C3orf49: variants seen among roughly 807,000 people sequenced by gnomAD.
C3orf49 encodes the protein chromosome 3 open reading frame 49.
Under a neutral mutation model 13.3 loss-of-function variants are expected in C3orf49, and 27 were observed. That is an observed-to-expected ratio of 2.02 (90% CI 1.49 to 2.79). C3orf49 has a LOEUF of 2.79. Among genes scored for constraint, C3orf49 ranks in the 30% most tolerant of loss-of-function variants. The probability of loss-of-function intolerance (pLI) is 0.00; values close to 1 mark genes in which losing one functional copy is unlikely to be tolerated. For synonymous variants in C3orf49, 87 were observed against 47.6 expected (o/e 1.83, Z -3.40); for missense variants, 242 against 134.2 (o/e 1.80, Z -3.97).
chr3:63,840,600 A>AAAAAAAT (rs1333655556), intron 5 of C3orf49, among the ~76,000 whole-genome samples: 1 of 152,164 alleles, frequency 6.6e-6, no homozygotes, highest in African/African-American at 2.4e-5. Context: ...GTCTCCAAAG[A>AAAAAAAT]AAAAAATAAA....
chr3:63,846,187 C>A (rs1701890085), intron 6 of C3orf49: 1 of 451,458 alleles, frequency 2.2e-6, no homozygotes, highest in South Asian at 1.6e-5. Context: ...ACTAAATATT[C>A]AGTCTGCTTT....
At chr3:63,846,409 A>G (rs1236498493) in intron 6 of C3orf49, among the ~76,000 whole-genome samples, 9 of 152,072 alleles carry the variant, frequency 5.9e-5, no homozygotes, top group African/African-American at 2.2e-4. Flanking sequence ...TATTATTTAA[A>G]AATTTTTATT....
At chr3:63,815,359 AC>A (rs1239366975), upstream of C3orf49, among the ~76,000 whole-genome samples, 1 of 151,898 alleles carries the variant, frequency 6.6e-6, no homozygotes, top group African/African-American at 2.4e-5. Flanking sequence ...GGTACTCCTC[AC>A]CCCCATCTGT....
chr3:63,800,395 C>T, the C3orf49 span, among the ~76,000 whole-genome samples: 1 of 152,026 alleles, frequency 6.6e-6, no homozygotes, highest in Non-Finnish European at 1.5e-5. Flanking sequence ...CTCATCCAAT[C>T]GTGAATTTCA....
chr3:63,789,767 C>T, the C3orf49 span, among the ~76,000 whole-genome samples: 9 of 144,284 alleles, frequency 6.2e-5, no homozygotes, highest in South Asian at 4.5e-4. Flanking sequence ...GCCAAGATGG[C>T]GCCACCGCAC....
chr3:63,781,744 AATG>A, the C3orf49 span, among the ~76,000 whole-genome samples: 1 of 152,134 alleles, frequency 6.6e-6, no homozygotes, highest in South Asian at 2.1e-4. Context: ...TGGAGATTGC[AATG>A]ATAAGAGTGG....
intron 3 of C3orf49, among the ~76,000 whole-genome samples, chr3:63,828,949 T>G (rs1701498860): frequency 6.6e-6 from 1 of 152,228 alleles, no homozygotes; most frequent in African/African-American, 2.4e-5. Flanking sequence ...TGTCACCACC[T>G]ATGTTAATTA....
chr3:63,784,018 C>G, the C3orf49 span, among the ~76,000 whole-genome samples: 9 of 152,186 alleles, frequency 5.9e-5, no homozygotes, highest in East Asian at 1.9e-4. Context: ...TTCCTTGACT[C>G]TCACTTAAAG....
At position 63,819,493 on chromosome 3, in the gene C3orf49, C is replaced by T; in HGVS notation, c.22C>T (p.Leu8=). ...AGCAATGGCCCAACCTCAGCTGTAT[C>T]TACCAGAACCCTTTAAGATTGCCTA... MAQPQLY[L]PEPFKIAYRK... The change falls in exon 1 of 7, where the codon CTA becomes TTA. Residue 8 remains leucine (L), a synonymous_variant. Transcript: ENST00000295896. 1 of 702,986 alleles carries T rather than the reference C, an allele frequency of 1.4e-6. No homozygotes were observed. The highest frequency in any genetic ancestry group is 2.3e-4 in the Middle Eastern group (1 of 4,368). The allele number at this position is 702,986 out of a possible 1,614,324, so 43.5% of individuals were successfully genotyped here.
chr3:63,791,185 G>A, the C3orf49 span, among the ~76,000 whole-genome samples: 2 of 152,212 alleles, frequency 1.3e-5, no homozygotes, highest in African/African-American at 4.8e-5. Context: ...TGGCAAAAAG[G>A]TATCCAAAGG....
chr3:63,810,717 C>T, the C3orf49 span, among the ~76,000 whole-genome samples: 1 of 152,152 alleles, frequency 6.6e-6, no homozygotes, highest in Non-Finnish European at 1.5e-5. Flanking sequence ...TTTGCATGAG[C>T]TGAGAAACTT....
the C3orf49 span, among the ~76,000 whole-genome samples, chr3:63,803,371 T>A: frequency 6.6e-6 from 1 of 152,206 alleles, no homozygotes; most frequent in African/African-American, 2.4e-5. Flanking sequence ...TCTTGAAATG[T>A]ACATGTGGGG....
At chr3:63,836,272 T>A in intron 5 of C3orf49, 1 of 1,605,422 alleles carries the variant, frequency 6.2e-7, no homozygotes, top group Non-Finnish European at 8.5e-7. Context: ...TAAAGGTTAG[T>A]TCCTTTCAAA....
the C3orf49 span, among the ~76,000 whole-genome samples, chr3:63,781,620 G>T: frequency 6.6e-6 from 1 of 152,142 alleles, no homozygotes; most frequent in South Asian, 2.1e-4. Flanking sequence ...AGTCACACTC[G>T]AGACATCATT....
At chr3:63,797,461 C>T in the C3orf49 span, among the ~76,000 whole-genome samples, 1 of 152,136 alleles carries the variant, frequency 6.6e-6, no homozygotes, top group Non-Finnish European at 1.5e-5. Flanking sequence ...TGGATCTTTG[C>T]TGTGAGAACC....
At chr3:63,803,788 G>T in the C3orf49 span, among the ~76,000 whole-genome samples, 1 of 152,060 alleles carries the variant, frequency 6.6e-6, no homozygotes, top group East Asian at 1.9e-4. Flanking sequence ...GGGTTGAGTG[G>T]GAATGGTTTC....
chr3:63,806,617 C>T, the C3orf49 span, among the ~76,000 whole-genome samples: 1 of 152,166 alleles, frequency 6.6e-6, no homozygotes. Context: ...TCTTTCCATA[C>T]GTCCCTTTTC....
intron 6 of C3orf49, among the ~76,000 whole-genome samples, chr3:63,847,222 G>A (rs1248294794): frequency 6.6e-6 from 1 of 152,170 alleles, no homozygotes. Flanking sequence ...AATCTGGTAT[G>A]TATTGGTATA....
At chr3:63,832,453 G>A (rs1203801854) in intron 5 of C3orf49, among the ~76,000 whole-genome samples, 1 of 152,124 alleles carries the variant, frequency 6.6e-6, no homozygotes, top group Non-Finnish European at 1.5e-5. Context: ...GAACCCAGGA[G>A]TTTGAGACCA....
Sources: allele counts gnomAD v4.1 joint callset (sites outside exome capture counted in the v4.1 genomes callset), GRCh38; gene constraint gnomAD v4.1.1; transcripts MANE v1.5; gene names NCBI Gene and HGNC (gene_info 2026-07-23, HGNC 2026-07-21).